The following FAM220A variants were observed in gnomAD, a reference collection of about 807,000 sequenced individuals.
FAM220A encodes the protein family with sequence similarity 220 member A, also known as protein FAM220A.
For missense variants in FAM220A, 392 were observed against 321.6 expected (o/e 1.22, Z -1.68); for synonymous variants, 141 against 130.7 (o/e 1.08, Z -0.54).
At chr7:6,347,890 T>G (rs1781984420) in intron 1 of FAM220A, among the ~76,000 whole-genome samples, 1 of 82,800 alleles carries the variant, frequency 1.2e-5, no homozygotes. Context: ...CCCTTTATTA[T>G]TATTATTATT....
rs1197465683 is a variant in FAM220A at position 6,330,888 on chromosome 7, T to C, written c.267A>G (p.Ser89=). 5 of 1,614,212 alleles carry C rather than the reference T, an allele frequency of 3.1e-6. No homozygotes were observed. The highest frequency in any genetic ancestry group is 3.4e-6 in the Non-Finnish European group (4 of 1,180,032). The change falls in exon 2 of 2, where the codon TCA becomes TCG. Residue 89 remains serine (S), a synonymous_variant. Transcript: ENST00000313324. ...CTGCTGAGGCTGGATTTCTTCTTAC[T>C]GATTCTCTCACATATGGAAGCACTG... is the stretch of plus-strand genomic sequence containing the variant. ...GGPVLPYVRE[S]VRRNPASAAT...
rs770342456 is a variant in FAM220A at position 6,331,027 on chromosome 7, G to A, written c.128C>T (p.Ala43Val). 6.2e-7 allele frequency: 1 copy of A among 1,614,080 alleles called. No homozygotes were observed. Among genetic ancestry groups the A allele is most frequent in the Non-Finnish European group, 8.5e-7 (1 of 1,180,030 alleles). ...RMPEGPWPAD[A>V]PSWMNKPVVD... ...CACAGGCTTATTCATCCAGGAGGGT[G>A]CATCTGCAGGCCAAGGGCCCTCCGG... The change falls in exon 2 of 2, where the codon GCA (alanine) becomes GTA (valine). Residue 43 changes from alanine to valine, a missense_variant. Physicochemically the swap from Ala to Val is moderately conservative, Grantham distance 64. Coordinates refer to ENST00000313324, the MANE Select transcript of FAM220A (RefSeq NM_001037163.2).
At position 6,331,005 on chromosome 7, in the gene FAM220A, AGGCTTAT is replaced by A; in HGVS notation, c.143_149del (p.Asn48MetfsTer16). ...CACTTTGTGAATTTCCATCAACCAC[AGGCTTAT>A]TCATCCAGGAGGGTGCATCTGCAGG... is the stretch of plus-strand genomic sequence containing the variant. On this transcript the variant is annotated frameshift_variant, in exon 2 of 2. Coordinates refer to ENST00000313324, the MANE Select transcript of FAM220A (RefSeq NM_001037163.2). LOFTEE classifies it low-confidence loss of function (END_TRUNC). 1 of 1,614,184 alleles carries A rather than the reference AGGCTTAT, an allele frequency of 6.2e-7. No homozygotes were observed. Among genetic ancestry groups the A allele is most frequent in the Non-Finnish European group, 8.5e-7 (1 of 1,180,042 alleles).
chr7:6,342,437 C>T (rs539184857), intron 1 of FAM220A, among the ~76,000 whole-genome samples: 1 of 151,614 alleles, frequency 6.6e-6, no homozygotes, highest in African/African-American at 2.4e-5. Context: ...CCCAGCTACT[C>T]GGGAGGCAGG....
intron 1 of FAM220A, among the ~76,000 whole-genome samples, chr7:6,333,995 C>G (rs958639614): frequency 1.3e-5 from 2 of 151,160 alleles, no homozygotes. Flanking sequence ...TACAGGCACC[C>G]GCCACCACGC....
Position 6,348,232 on chromosome 7 carries a change from AG to A in FAM220A, c.-82+340del, listed in dbSNP as rs11408091. Among the ~76,000 whole-genome samples, 350 of 145,280 alleles carry A rather than the reference AG, an allele frequency of 2.4e-3. 1 individual carries two copies. Among genetic ancestry groups the A allele is most frequent in the African/African-American group, 7.2e-3 (287 of 39,734 alleles). On this transcript the variant is annotated intron_variant, in intron 1 of 1. Transcript: ENST00000313324. Reference sequence around the variant, plus strand: ...AGACCCGTCTTTACAATTAAAAATAAGGGGGGGGGTTGCAAAGTTTGGGAAC... The same window carrying A: ...AGACCCGTCTTTACAATTAAAAATAAGGGGGGGGTTGCAAAGTTTGGGAAC...
In FAM220A at chr7:6,330,845, C is replaced by G; in HGVS notation, c.310G>C (p.Val104Leu). ...TCTGTTGGAGCAGGGAACAAACCCA[C>G]GGCTGTGCTCGGAGTGGCTGCTGAG... ...PASAATPSTA[V>L]GLFPAPTECF... Residue 104 changes from valine to leucine, a missense_variant, in exon 2 of 2, where the codon GTG (valine) becomes CTG (leucine). Physicochemically the swap from Val to Leu is conservative, Grantham distance 32. Transcript: ENST00000313324. The G allele has an allele frequency of 1.2e-6, 2 of 1,614,194 alleles. No homozygotes were observed. The highest frequency in any genetic ancestry group is 8.5e-7 in the Non-Finnish European group (1 of 1,180,032).
At chr7:6,331,536 C>A (rs1432150458) in intron 1 of FAM220A, among the ~76,000 whole-genome samples, 1 of 151,874 alleles carries the variant, frequency 6.6e-6, no homozygotes, top group Non-Finnish European at 1.5e-5. Flanking sequence ...TGCATGCCAC[C>A]AAGCCCGCTA....
chr7:6,340,132 G>A (rs914630494), intron 1 of FAM220A, among the ~76,000 whole-genome samples: 2 of 151,378 alleles, frequency 1.3e-5, no homozygotes, highest in Non-Finnish European at 3.0e-5. Flanking sequence ...TGATCCGCCC[G>A]CCTCGGCCTC....
intron 1 of FAM220A, among the ~76,000 whole-genome samples, chr7:6,345,271 C>T (rs571766439): frequency 1.1e-4 from 16 of 151,880 alleles, no homozygotes; most frequent in South Asian, 6.3e-4. Flanking sequence ...GCACGCACCA[C>T]GACACCCGGC....
intron 1 of FAM220A, among the ~76,000 whole-genome samples, chr7:6,338,390 T>C (rs541356069): frequency 7.9e-5 from 12 of 152,238 alleles, no homozygotes; most frequent in African/African-American, 2.6e-4. Context: ...ACAGTGTAAA[T>C]GATGGTATTA....
intron 1 of FAM220A, among the ~76,000 whole-genome samples, chr7:6,343,469 G>A (rs376023453): frequency 7.1e-5 from 9 of 126,060 alleles, no homozygotes; most frequent in African/African-American, 1.2e-4. Flanking sequence ...GAAACACTTC[G>A]TTCTTCCCAC....
Position 6,331,103 on chromosome 7 carries a change from C to T in FAM220A, c.52G>A (p.Ala18Thr), listed in dbSNP as rs145321809. Residue 18 changes from alanine to threonine, a missense_variant, in exon 2 of 2, where the codon GCC becomes ACC. Ala to Thr is a moderately conservative substitution (Grantham distance 58, BLOSUM62 0). Coordinates refer to ENST00000313324, the MANE Select transcript of FAM220A (RefSeq NM_001037163.2). ...AGTTTGTCCGAGTCACCTCCTCCGG[C>T]CTGCTGCACTTGTGCCAGGCAGGTG... is the stretch of plus-strand genomic sequence containing the variant. The part of the protein sequence containing the change: ...LGTCLAQVQQ[A>T]GGGDSDKLSC... 1.8e-3 allele frequency: 2,937 copies of T among 1,613,394 alleles called. 4 individuals are homozygous for T. Among genetic ancestry groups the T allele is most frequent in the Non-Finnish European group, 2.3e-3 (2,758 of 1,180,038 alleles).
chr7:6,331,734 G>T (rs923796005), intron 1 of FAM220A, among the ~76,000 whole-genome samples: 13 of 134,342 alleles, frequency 9.7e-5, no homozygotes, highest in Non-Finnish European at 1.4e-4. Flanking sequence ...GCAAATAATA[G>T]AGGCTTTTTT....
intron 1 of FAM220A, among the ~76,000 whole-genome samples, chr7:6,336,905 C>T (rs985276120): frequency 9.2e-5 from 14 of 152,116 alleles, no homozygotes; most frequent in African/African-American, 3.4e-4. Flanking sequence ...CCGCCCACCT[C>T]AGCCTCCCAA....
In FAM220A at chr7:6,348,838, T is replaced by C. The variant is rs1863077; in HGVS notation, c.-347A>G. The C allele has an allele frequency of 0.56, 221,802 of 392,962 alleles. 68,982 individuals are homozygous for C. Among genetic ancestry groups the C allele is most frequent in the East Asian group, 0.91 (25,113 of 27,668 alleles). The allele number at this position is 392,962 out of a possible 1,614,324, so 24.3% of individuals were successfully genotyped here. ...CCCGGCAGCTGACCCTCGCCTGGCG[T>C]GCTCAGGGAGCGAAGGAGGCGGCGG... On this transcript the variant is annotated 5_prime_UTR_variant, in exon 1 of 2. Coordinates refer to ENST00000313324, the MANE Select transcript of FAM220A (RefSeq NM_001037163.2).
At chr7:6,338,131 AAC>A (rs1237865792) in intron 1 of FAM220A, among the ~76,000 whole-genome samples, 9 of 152,290 alleles carry the variant, frequency 5.9e-5, no homozygotes, top group Admixed American at 4.6e-4. Context: ...GGTTATCAAA[AAC>A]ATTTTGGCTC....
At chr7:6,333,779 T>C (rs913102158) in intron 1 of FAM220A, among the ~76,000 whole-genome samples, 3 of 151,570 alleles carry the variant, frequency 2.0e-5, no homozygotes, top group African/African-American at 7.3e-5. Flanking sequence ...TGTCTTTTTT[T>C]TTTTTTTAAT....
intron 1 of FAM220A, among the ~76,000 whole-genome samples, chr7:6,343,785 C>A (rs939604317): frequency 1.7e-4 from 26 of 152,082 alleles, no homozygotes; most frequent in Non-Finnish European, 5.9e-5. Context: ...GCCCTACAAA[C>A]TAGAGATCTA....
Sources: allele counts gnomAD v4.1 joint callset (sites outside exome capture counted in the v4.1 genomes callset), GRCh38; gene constraint gnomAD v4.1.1; transcripts MANE v1.5; gene names NCBI Gene and HGNC (gene_info 2026-07-23, HGNC 2026-07-21).